ADAMTSL1: variants seen among roughly 807,000 people sequenced by gnomAD.
ADAMTSL1 encodes the protein ADAMTS like 1.
Under a neutral mutation model 201.8 loss-of-function variants are expected in ADAMTSL1, and 126 were observed. That is an observed-to-expected ratio of 0.62 (90% CI 0.54 to 0.72). The LOEUF (loss-of-function observed/expected upper bound fraction) is 0.72, where lower values mean the gene tolerates loss of function less well. Ranked by LOEUF, ADAMTSL1 falls within the 30% of genes least tolerant of loss-of-function variation. The pLI is 0.00. For synonymous variants in ADAMTSL1, 1,121 were observed against 903.4 expected, an observed-to-expected ratio of 1.24 and a Z score of -4.32; for missense variants, 2,679 against 2,277.8, an observed-to-expected ratio of 1.18 and a Z score of -3.59.
chr9:18,657,974 T>G (rs1828810686), intron 8 of ADAMTSL1, among the ~76,000 whole-genome samples: 2 of 2,812 alleles, frequency 7.1e-4, no homozygotes, highest in Admixed American at 9.7e-3. Flanking sequence ...GGAAACAGTC[T>G]TTTTTTTTTT....
intron 2 of ADAMTSL1, among the ~76,000 whole-genome samples, chr9:18,340,204 G>A (rs976494486): frequency 6.6e-6 from 1 of 152,090 alleles, no homozygotes; most frequent in Admixed American, 6.6e-5. Flanking sequence ...TATCTTGTTG[G>A]CAGGTATCTT....
At chr9:18,725,051 C>T (rs10217375) in intron 15 of ADAMTSL1, among the ~76,000 whole-genome samples, 37,258 of 152,008 alleles carry the variant, frequency 0.25, 5,482 homozygotes, top group South Asian at 0.42. Flanking sequence ...GAACTACAGG[C>T]GCCCACCACC....
In ADAMTSL1 at chr9:18,759,383, A is replaced by G. The variant is rs530525307; in HGVS notation, c.2217+5875A>G. 3.3e-5 allele frequency among the ~76,000 whole-genome samples: 5 copies of G among 152,362 alleles called. No individual in the cohort carries two copies. In the South Asian group the frequency reaches 1.0e-3, roughly 32 times the overall value. ...TCATTTTCTAGATTTAAACATACAT[A>G]CATACCTTCAAGCAAAGACAAAAAT... is the stretch of plus-strand genomic sequence containing the variant. On this transcript the variant is annotated intron_variant, in intron 16 of 28. Coordinates refer to ENST00000380548, the MANE Select transcript of ADAMTSL1 (RefSeq NM_001040272.6).
At chr9:18,681,702 G>GGA (rs879111271) in intron 11 of ADAMTSL1, 110 bp from the exon 12 acceptor site, 1 of 507,916 alleles carries the variant, frequency 2.0e-6, no homozygotes, top group Non-Finnish European at 2.9e-6. Context: ...TCGTGTGGGG[G>GGA]GGGGGGGCGG....
At chr9:17,952,107 GTTTC>G (rs1456912418) in intron 1 of ADAMTSL1, among the ~76,000 whole-genome samples, 1 of 150,254 alleles carries the variant, frequency 6.7e-6, no homozygotes, top group Non-Finnish European at 1.5e-5. Context: ...TGGCTAATTG[GTTTC>G]TTTCTTTCTT....
At chr9:18,627,625 T>C (rs1826474184) in intron 5 of ADAMTSL1, among the ~76,000 whole-genome samples, 1 of 152,194 alleles carries the variant, frequency 6.6e-6, no homozygotes, top group Admixed American at 6.5e-5. Context: ...TCAAAGTCAG[T>C]AGCTTAGCAT....
At chr9:18,089,798 G>C (rs1823928443) in intron 1 of ADAMTSL1, among the ~76,000 whole-genome samples, 1 of 152,130 alleles carries the variant, frequency 6.6e-6, no homozygotes, top group South Asian at 2.1e-4. Context: ...TATACTTTCA[G>C]TCACGCAATG....
At chr9:18,756,722 A>T (rs1332840586) in intron 16 of ADAMTSL1, among the ~76,000 whole-genome samples, 2 of 152,234 alleles carry the variant, frequency 1.3e-5, no homozygotes, top group Non-Finnish European at 2.9e-5. Flanking sequence ...GAAGAAAAGG[A>T]GATGGGGGAT....
At chr9:18,721,480 C>G in intron 14 of ADAMTSL1, 56 bp from the exon 15 acceptor site, 10 of 1,593,616 alleles carry the variant, frequency 6.3e-6, no homozygotes, top group Non-Finnish European at 8.6e-6. Flanking sequence ...CACTTCATCA[C>G]CCCCCACACA....
At chr9:18,185,192 A>G (rs76631979) in intron 2 of ADAMTSL1, among the ~76,000 whole-genome samples, 1 of 152,246 alleles carries the variant, frequency 6.6e-6, no homozygotes, top group African/African-American at 2.4e-5. Context: ...TCTAACCAAT[A>G]GAATATGGCA....
chr9:18,763,517 A>G (rs1820188733), intron 16 of ADAMTSL1, among the ~76,000 whole-genome samples: 1 of 151,882 alleles, frequency 6.6e-6, no homozygotes, highest in African/African-American at 2.4e-5. Context: ...CCATTTGTTC[A>G]TATTTGCCTG....
chr9:17,908,021 A>G lies in ADAMTSL1; in HGVS notation c.87+1099A>G, dbSNP rs536316378. On this transcript the variant is annotated intron_variant, in intron 1 of 29. Coordinates refer to the ADAMTSL1 transcript ENST00000680146. Reference sequence around the variant, plus strand: ...CCCTCGCTTTTTCTTAACGTTTTGCAACTTGTTTTCCGATCTCTATTTTAA... The same window carrying G: ...CCCTCGCTTTTTCTTAACGTTTTGCGACTTGTTTTCCGATCTCTATTTTAA... Among the ~76,000 whole-genome samples, 4 of 152,154 alleles carry G rather than the reference A, an allele frequency of 2.6e-5. No individual in the cohort carries two copies. The South Asian group carries it at 8.3e-4, about 32-fold the overall frequency.
intron 19 of ADAMTSL1, among the ~76,000 whole-genome samples, chr9:18,780,548 G>T (rs181048089): frequency 4.5e-4 from 68 of 152,136 alleles, no homozygotes; most frequent in African/African-American, 1.6e-3. Context: ...AGTAATAAAA[G>T]GGCTATAAAA....
intron 2 of ADAMTSL1, among the ~76,000 whole-genome samples, chr9:18,408,285 A>T (rs1002716738): frequency 6.6e-6 from 1 of 152,166 alleles, no homozygotes; most frequent in Non-Finnish European, 1.5e-5. Flanking sequence ...CCTGGCCAAC[A>T]TGGTGAAACA....
At chr9:18,165,192 T>C (rs1587201435) in intron 2 of ADAMTSL1, among the ~76,000 whole-genome samples, 1 of 152,118 alleles carries the variant, frequency 6.6e-6, no homozygotes, top group Non-Finnish European at 1.5e-5. Flanking sequence ...CTTGCAATTA[T>C]ATCTTAATTT....
At chr9:18,386,405 A>G (rs955263420) in intron 2 of ADAMTSL1, among the ~76,000 whole-genome samples, 1 of 152,184 alleles carries the variant, frequency 6.6e-6, no homozygotes, top group African/African-American at 2.4e-5. Flanking sequence ...ACTATATCAC[A>G]TTAAAGACAC....
At chr9:18,597,436 T>C (rs1214472934) in intron 4 of ADAMTSL1, among the ~76,000 whole-genome samples, 1 of 152,214 alleles carries the variant, frequency 6.6e-6, no homozygotes. Flanking sequence ...CTTATCAAGT[T>C]GTTGACCCTA....
intron 11 of ADAMTSL1, chr9:18,680,777 A>C (rs1456676527): frequency 1.9e-5 from 9 of 466,082 alleles, no homozygotes; most frequent in Non-Finnish European, 3.5e-5. Context: ...TAGCACGGGG[A>C]AGCAACTGCC....
chr9:18,266,532 C>G (rs527781857), intron 2 of ADAMTSL1, among the ~76,000 whole-genome samples: 1 of 152,146 alleles, frequency 6.6e-6, no homozygotes, highest in Non-Finnish European at 1.5e-5. Context: ...GGGTCAGGCT[C>G]TTTCTTCCTG....
Sources: allele counts gnomAD v4.1 joint callset (sites outside exome capture counted in the v4.1 genomes callset), GRCh38; gene constraint gnomAD v4.1.1; transcripts MANE v1.5; gene names NCBI Gene and HGNC (gene_info 2026-07-23, HGNC 2026-07-21).